PITPNM2: variants seen among roughly 807,000 people sequenced by gnomAD.
PITPNM2 encodes the protein phosphatidylinositol transfer protein membrane associated 2.
PITPNM2 carries 35 observed loss-of-function variants against 132.2 expected under a neutral mutation model. The observed-to-expected ratio is 0.26, with a 90% CI of 0.20 to 0.35. The LOEUF is 0.35. Ranked by LOEUF, PITPNM2 falls within the 10% of genes least tolerant of loss-of-function variation. PITPNM2 has a pLI of 1.00. For missense variants in PITPNM2, 1,332 were observed against 1,912.0 expected (o/e 0.70, Z 5.66); for synonymous variants, 738 against 799.2 (o/e 0.92, Z 1.29).
intron 3 of PITPNM2, among the ~76,000 whole-genome samples, chr12:123,020,917 C>A (rs2039642784): frequency 6.7e-6 from 1 of 150,108 alleles, no homozygotes; most frequent in South Asian, 2.1e-4. Context: ...CTAATCCCAG[C>A]TACTTGGAAG....
chr12:123,025,134 G>A (rs948678886), intron 3 of PITPNM2, among the ~76,000 whole-genome samples: 1 of 152,190 alleles, frequency 6.6e-6, no homozygotes, highest in African/African-American at 2.4e-5. Context: ...GCGACTTTAA[G>A]CCGAGCATCT....
At position 123,110,507 on chromosome 12, in the gene PITPNM2, T is replaced by C. The variant is rs1022271303; in HGVS notation, c.-199-19A>G. On this transcript the variant is annotated intron_variant, in intron 1 of 25. Transcript: ENST00000320201. ...CAGCATCCTGCAGGGAGAAGCACAA[T>C]GGGAGAGGAGGTGAGACACCTGGAC... is the stretch of plus-strand genomic sequence containing the variant. 6.6e-6 allele frequency: 1 copy of C among 152,216 alleles called. No individual in the cohort carries two copies. The highest frequency in any genetic ancestry group is 2.4e-5 in the African/African-American group (1 of 41,370). The allele number at this position is 152,216 out of a possible 1,614,324, so 9.4% of individuals were successfully genotyped here. A position where few individuals can be genotyped will look rare whatever the true frequency, so the allele number is the denominator to read the frequency against.
intron 2 of PITPNM2, among the ~76,000 whole-genome samples, chr12:123,086,935 C>T (rs1470583478): frequency 2.0e-5 from 3 of 152,244 alleles, no homozygotes; most frequent in Non-Finnish European, 4.4e-5. Context: ...TGGTTCTTCT[C>T]AGGCCCAAGA....
chr12:123,035,292 C>T (rs529675959), intron 2 of PITPNM2, among the ~76,000 whole-genome samples: 1 of 152,330 alleles, frequency 6.6e-6, no homozygotes, highest in Admixed American at 6.5e-5. Context: ...ACAAGATAAG[C>T]AGAGAGTGTG....
chr12:122,987,525 G>A lies in PITPNM2; in HGVS notation c.3249C>T (p.Ile1083=), dbSNP rs1437725830. 6.2e-7 allele frequency: 1 copy of A among 1,613,340 alleles called. No individual in the cohort carries two copies. ...CAGGCATATACCTGACCACCATCTTGATAGGGTAGACACCCACGCCCAGGC... is the reference window on the plus strand; with the variant it reads ...CAGGCATATACCTGACCACCATCTTAATAGGGTAGACACCCACGCCCAGGC... ...SHRLGVGVYP[I]KMVVRGDHTF... is the part of the protein sequence containing the mutation. Residue 1083 remains isoleucine (I), a synonymous_variant, in exon 22 of 26, where the codon ATC becomes ATT. Transcript: ENST00000320201.
Position 123,010,004 on chromosome 12 carries a change from C to T in PITPNM2, c.489G>A (p.Gln163=). The change falls in exon 6 of 26, where the codon CAG becomes CAA. Residue 163 remains glutamine (Q), a synonymous_variant. Coordinates refer to ENST00000320201, the MANE Select transcript of PITPNM2 (RefSeq NM_020845.3). ...YKTEEDPKLF[Q]STKTQRGPLS... is the part of the protein sequence containing the mutation. Reference sequence around the variant, plus strand: ...GGGGCCCCCGCTGGGTCTTGGTTGACTGGAACAGCTTGGGGTCCTCTTCTG... The same window carrying T: ...GGGGCCCCCGCTGGGTCTTGGTTGATTGGAACAGCTTGGGGTCCTCTTCTG... 1.2e-6 allele frequency: 2 copies of T among 1,614,224 alleles called. No homozygotes were observed. Among genetic ancestry groups the T allele is most frequent in the South Asian group, 1.1e-5 (1 of 91,086 alleles).
At position 123,085,534 on chromosome 12, in the gene PITPNM2, T is replaced by C. The variant is rs905800753; in HGVS notation, c.-96+24851A>G. 1.3e-4 allele frequency among the ~76,000 whole-genome samples: 20 copies of C among 152,124 alleles called. No individual in the cohort carries two copies. The East Asian group carries it at 3.5e-3, about 26-fold the overall frequency. On this transcript the variant is annotated intron_variant, in intron 2 of 25. Coordinates refer to ENST00000320201, the MANE Select transcript of PITPNM2 (RefSeq NM_020845.3). ...AGGAAAAGGGTTGGGAGTTGTTAGT[T>C]AATGGGTGCAGTTTCTGTTTGGGAT...
At chr12:123,142,253 C>G (rs1026861668) in intron 1 of PITPNM2, among the ~76,000 whole-genome samples, 1 of 152,214 alleles carries the variant, frequency 6.6e-6, no homozygotes, top group African/African-American at 2.4e-5. Context: ...CCTTGCTACT[C>G]CCAGCAGCAA....
At chr12:123,037,980 C>T (rs1339195512) in intron 2 of PITPNM2, among the ~76,000 whole-genome samples, 1 of 151,964 alleles carries the variant, frequency 6.6e-6, no homozygotes, top group Non-Finnish European at 1.5e-5. Flanking sequence ...TGCGTGCAGG[C>T]AGAGGGACAG....
At chr12:123,033,531 C>T (rs1391038164) in intron 3 of PITPNM2, among the ~76,000 whole-genome samples, 1 of 152,186 alleles carries the variant, frequency 6.6e-6, no homozygotes. Context: ...TCCTCAAACT[C>T]CTGTGTGCGT....
chr12:123,072,499 T>A (rs773338517), intron 2 of PITPNM2, among the ~76,000 whole-genome samples: 4 of 152,226 alleles, frequency 2.6e-5, no homozygotes, highest in African/African-American at 4.8e-5. Context: ...CCCTCTCCTG[T>A]CTTCTCCCAA....
chr12:123,034,332 T>G (rs907612064), intron 3 of PITPNM2, 181 bp downstream of exon 3: 6 of 591,550 alleles, frequency 1.0e-5, no homozygotes, highest in Admixed American at 2.9e-5. Flanking sequence ...GCCCATGGTG[T>G]GCTCTGTGCG....
intron 2 of PITPNM2, among the ~76,000 whole-genome samples, chr12:123,079,449 A>G (rs1313002292): frequency 6.8e-6 from 1 of 147,336 alleles, no homozygotes; most frequent in African/African-American, 2.6e-5. Flanking sequence ...CCTGGGCTCA[A>G]AACAATTCTC....
At chr12:123,047,791 C>A (rs1414212109) in intron 2 of PITPNM2, among the ~76,000 whole-genome samples, 1 of 147,852 alleles carries the variant, frequency 6.8e-6, no homozygotes, top group Non-Finnish European at 1.5e-5. Context: ...AGGGGAAACA[C>A]TATTTAGCCT....
chr12:123,056,647 G>A (rs2041038116), intron 2 of PITPNM2, among the ~76,000 whole-genome samples: 1 of 152,074 alleles, frequency 6.6e-6, no homozygotes, highest in Non-Finnish European at 1.5e-5. Context: ...AAGCCCTCCT[G>A]GGTTGACAAA....
At chr12:123,033,474 A>G (rs1592960709) in intron 3 of PITPNM2, among the ~76,000 whole-genome samples, 1 of 152,206 alleles carries the variant, frequency 6.6e-6, no homozygotes, top group Non-Finnish European at 1.5e-5. Context: ...GGGAGACTGG[A>G]GGTGTCTCCT....
At chr12:123,124,749 T>C (rs1407591669) in intron 1 of PITPNM2, among the ~76,000 whole-genome samples, 2 of 152,200 alleles carry the variant, frequency 1.3e-5, no homozygotes, top group African/African-American at 4.8e-5. Flanking sequence ...AGTCTTATGT[T>C]TGCCTGTAGC....
Position 122,994,461 on chromosome 12 carries a change from C to T in PITPNM2, c.2233+340G>A, listed in dbSNP as rs1299863367. Among the ~76,000 whole-genome samples the T allele has an allele frequency of 6.6e-6, 1 of 152,078 alleles. No individual in the cohort carries two copies. The highest frequency in any genetic ancestry group is 1.5e-5 in the Non-Finnish European group (1 of 68,004). Reference sequence around the variant, plus strand: ...GGGATGCCTGGCCTCTGCATCTCTCCCTATGGGAGGACCTTGGACCTGGGA... The same window carrying T: ...GGGATGCCTGGCCTCTGCATCTCTCTCTATGGGAGGACCTTGGACCTGGGA... On this transcript the variant is annotated intron_variant, in intron 15 of 25. Coordinates refer to ENST00000320201, the MANE Select transcript of PITPNM2 (RefSeq NM_020845.3). This position sits in a 1 kb window ranked among gnomAD's most constrained non-coding sequence, Gnocchi z 5.4.
At chr12:123,042,463 A>C (rs1403804559) in intron 2 of PITPNM2, among the ~76,000 whole-genome samples, 1 of 152,168 alleles carries the variant, frequency 6.6e-6, no homozygotes, top group Admixed American at 6.5e-5. Flanking sequence ...CACAGATGGA[A>C]TTTAGTGAGG....
Sources: gnomAD v4.1 joint callset for allele counts (sites outside exome capture counted in the v4.1 genomes callset) on GRCh38, gnomAD v4.1.1 for gene constraint, Gnocchi (gnomAD v3.1) non-coding constraint, MANE v1.5 for transcripts, NCBI Gene and HGNC (gene_info 2026-07-23, HGNC 2026-07-21) for gene names.